Variants in GRHL2 observed in about 807,000 individuals in gnomAD.
GRHL2 encodes the protein grainyhead like transcription factor 2, also known as grainyhead-like protein 2 homolog.
GRHL2 carries 21 observed loss-of-function variants against 83.8 expected under a neutral mutation model. The observed-to-expected ratio is 0.25, with a 90% CI of 0.18 to 0.36. The LOEUF is 0.36. Ranked by LOEUF, GRHL2 falls within the 10% of genes least tolerant of loss-of-function variation. The pLI is 1.00. For synonymous variants in GRHL2, 280 were observed against 278.9 expected, an observed-to-expected ratio of 1.00 and a Z score of -0.04; for missense variants, 623 against 781.8, an observed-to-expected ratio of 0.80 and a Z score of 2.42.
chr8:101,499,873 C>T (rs553743019), intron 1 of GRHL2, among the ~76,000 whole-genome samples: 3 of 152,088 alleles, frequency 2.0e-5, no homozygotes, highest in South Asian at 2.1e-4. Flanking sequence ...GTAAGGAGTT[C>T]GATATCAGTC....
chr8:101,526,516 CT>C (rs1435141032), intron 1 of GRHL2, among the ~76,000 whole-genome samples: 1 of 113,620 alleles, frequency 8.8e-6, no homozygotes, highest in Non-Finnish European at 1.8e-5. Context: ...CAAAAATTTT[CT>C]TTTTTTCCTT....
intron 8 of GRHL2, 98 bp downstream of exon 8, chr8:101,599,249 A>G: frequency 1.2e-6 from 1 of 817,064 alleles, no homozygotes; most frequent in East Asian, 2.7e-5. Context: ...CTCCTATTAA[A>G]AAGAAATGAA....
rs1814065509 is a variant in GRHL2 at position 101,666,635 on chromosome 8, G to A, written c.1810G>A (p.Glu604Lys). The A allele has an allele frequency of 6.2e-7, 1 of 1,613,682 alleles. No homozygotes were observed. The highest frequency in any genetic ancestry group is 8.5e-7 in the Non-Finnish European group (1 of 1,179,620). Reference protein sequence around the residue: ...DDNIIEHYSNEDTFILNMESM... With the variant: ...DDNIIEHYSNKDTFILNMESM... ...CAACATCATCGAGCACTACTCGAAC[G>A]AGGACACCTTCATCCTCAACATGGA... Residue 604 changes from glutamate to lysine, a missense_variant, in exon 16 of 16, where the codon GAG becomes AAG. By Grantham distance (56) the Glu-to-Lys change is moderately conservative. Around this residue, in one of 8 missense-constraint regions of GRHL2, gnomAD observed 210 missense variants for 254.8 expected, o/e 0.82. Transcript: ENST00000646743.
At chr8:101,635,169 G>A (rs944062574) in intron 11 of GRHL2, among the ~76,000 whole-genome samples, 1 of 152,108 alleles carries the variant, frequency 6.6e-6, no homozygotes, top group African/African-American at 2.4e-5. Flanking sequence ...ATAAGGATTC[G>A]GATTCCTGAG....
chr8:101,678,785 T>G, the GRHL2 span, among the ~76,000 whole-genome samples: 9 of 152,048 alleles, frequency 5.9e-5, no homozygotes, highest in Non-Finnish European at 1.0e-4. Flanking sequence ...CCAAGCAGCC[T>G]AACTGGGAGG....
intron 1 of GRHL2, among the ~76,000 whole-genome samples, chr8:101,504,213 C>G (rs56226929): frequency 0.13 from 19,138 of 152,142 alleles, 1,769 homozygotes; most frequent in African/African-American, 0.26. Flanking sequence ...GCCCTTCACG[C>G]TGGCATGCTG....
chr8:101,539,246 A>G (rs1018896234), intron 1 of GRHL2, among the ~76,000 whole-genome samples: 4 of 152,164 alleles, frequency 2.6e-5, no homozygotes, highest in African/African-American at 9.7e-5. Flanking sequence ...CTCCACAGCA[A>G]TGTGTGCGTC....
chr8:101,558,835 G>A, intron 4 of GRHL2, 23 bp downstream of exon 4: 4 of 1,612,284 alleles, frequency 2.5e-6, no homozygotes, highest in East Asian at 2.2e-5. Flanking sequence ...CTCCATCGAC[G>A]GCCAGAACCC....
intron 9 of GRHL2, among the ~76,000 whole-genome samples, chr8:101,624,760 TAACTC>T (rs1180584611): frequency 2.6e-5 from 4 of 152,174 alleles, no homozygotes; most frequent in Non-Finnish European, 5.9e-5. Flanking sequence ...AGAGGCCTGT[TAACTC>T]AATAGACACA....
chr8:101,497,009 G>C (rs748068823), intron 1 of GRHL2, among the ~76,000 whole-genome samples: 66 of 152,286 alleles, frequency 4.3e-4, no homozygotes, highest in Admixed American at 9.2e-4. Flanking sequence ...TCTTGTAAGT[G>C]GTCTTGGTAA....
At chr8:101,658,787 AAAG>A (rs1408898992) in intron 14 of GRHL2, among the ~76,000 whole-genome samples, 7 of 152,230 alleles carry the variant, frequency 4.6e-5, no homozygotes, top group Admixed American at 3.9e-4. Flanking sequence ...TTTATTTTAA[AAAG>A]AAGTTCCAAG....
chr8:101,626,849 G>A (rs757175552), intron 9 of GRHL2, among the ~76,000 whole-genome samples: 1 of 152,062 alleles, frequency 6.6e-6, no homozygotes, highest in Non-Finnish European at 1.5e-5. Context: ...ATACTCGGAA[G>A]GTCTTGCTCA....
chr8:101,557,068 C>T (rs938841268), intron 3 of GRHL2, among the ~76,000 whole-genome samples: 3 of 148,328 alleles, frequency 2.0e-5, no homozygotes, highest in African/African-American at 7.4e-5. Flanking sequence ...CTTTCCTTTT[C>T]TTTTTTTTTT....
intron 11 of GRHL2, 99 bp downstream of exon 11, chr8:101,632,464 T>C: frequency 1.5e-6 from 2 of 1,376,900 alleles, no homozygotes; most frequent in Non-Finnish European, 2.1e-6. Flanking sequence ...CAAAAATAAC[T>C]TACCTTCCAT....
chr8:101,528,812 A>G, intron 1 of GRHL2: 1 of 337,394 alleles, frequency 3.0e-6, no homozygotes, highest in South Asian at 2.9e-5. Flanking sequence ...CTGGAGATTG[A>G]AGAGCCATTC....
At chr8:101,513,124 G>A (rs2130015019) in intron 1 of GRHL2, among the ~76,000 whole-genome samples, 1 of 151,914 alleles carries the variant, frequency 6.6e-6, no homozygotes, top group South Asian at 2.1e-4. Context: ...TTTTTTTTGA[G>A]TAGTTTTGCA....
chr8:101,645,108 A>C (rs1476775808), intron 13 of GRHL2, among the ~76,000 whole-genome samples: 1 of 145,252 alleles, frequency 6.9e-6, no homozygotes, highest in Non-Finnish European at 1.5e-5. Flanking sequence ...GTCTGCCAGC[A>C]GTACAGAATT....
chr8:101,646,716 C>T (rs1421718335), intron 13 of GRHL2, among the ~76,000 whole-genome samples: 2 of 152,218 alleles, frequency 1.3e-5, no homozygotes, highest in African/African-American at 4.8e-5. Flanking sequence ...GTGGGAGTCC[C>T]TTGGGGGCTG....
At chr8:101,663,614 A>T (rs373496910) in intron 14 of GRHL2, among the ~76,000 whole-genome samples, 2 of 133,868 alleles carry the variant, frequency 1.5e-5, no homozygotes, top group African/African-American at 3.0e-5. Flanking sequence ...TCCATCTCAA[A>T]AAATAAATAA....
Sources: gnomAD v4.1 joint callset for allele counts (sites outside exome capture counted in the v4.1 genomes callset) on GRCh38, gnomAD v4.1.1 for gene constraint, gnomAD v4.1.1 regional missense constraint, MANE v1.5 for transcripts, NCBI Gene and HGNC (gene_info 2026-07-23, HGNC 2026-07-21) for gene names.